Variants in EPHA6 observed in about 807,000 individuals in gnomAD.
The protein encoded by EPHA6 is ephrin type-A receptor 6.
EPHA6 carries 50 observed loss-of-function variants against 112.0 expected under a neutral mutation model. The observed-to-expected ratio is 0.45, with a 90% CI of 0.36 to 0.56. EPHA6 has a LOEUF of 0.56. Among genes scored for constraint, EPHA6 ranks in the 20% least tolerant of loss-of-function variants. The pLI is 0.00. For missense variants in EPHA6, 1,280 were observed against 1,417.4 expected (o/e 0.90, Z 1.56); for synonymous variants, 529 against 490.7 (o/e 1.08, Z -1.03).
chr3:97,714,585 G>A (rs1309069346), intron 14 of EPHA6, among the ~76,000 whole-genome samples: 4 of 152,194 alleles, frequency 2.6e-5, no homozygotes, highest in Non-Finnish European at 5.9e-5. Context: ...GTTGATTTGG[G>A]AATACAAACT....
chr3:97,505,783 G>A (rs1323481936), intron 10 of EPHA6, among the ~76,000 whole-genome samples: 1 of 152,110 alleles, frequency 6.6e-6, no homozygotes, highest in African/African-American at 2.4e-5. Context: ...CACAATGGTT[G>A]AACTAATTTA....
At chr3:97,034,450 A>G (rs1410814346) in intron 3 of EPHA6, among the ~76,000 whole-genome samples, 2 of 151,840 alleles carry the variant, frequency 1.3e-5, no homozygotes, top group Non-Finnish European at 2.9e-5. Context: ...TAATTCTTTT[A>G]CTGTCCATGA....
chr3:97,098,533 A>G (rs1166906106), intron 3 of EPHA6, among the ~76,000 whole-genome samples: 1 of 151,882 alleles, frequency 6.6e-6, no homozygotes, highest in Non-Finnish European at 1.5e-5. Flanking sequence ...ATTTGAGTAC[A>G]TTTTAAATGT....
chr3:97,464,151 C>T (rs1375959509), intron 7 of EPHA6, among the ~76,000 whole-genome samples: 2 of 152,042 alleles, frequency 1.3e-5, no homozygotes, highest in African/African-American at 2.4e-5. Flanking sequence ...ATGAAAATTG[C>T]CAAACTGATT....
At chr3:97,265,423 T>C (rs1403426370) in intron 5 of EPHA6, among the ~76,000 whole-genome samples, 2 of 151,872 alleles carry the variant, frequency 1.3e-5, no homozygotes, top group African/African-American at 4.8e-5. Context: ...TCCAGAGGGG[T>C]CCGAGGTGGC....
chr3:96,977,325 T>A (rs2042571658), intron 2 of EPHA6, among the ~76,000 whole-genome samples: 1 of 152,108 alleles, frequency 6.6e-6, no homozygotes, highest in Non-Finnish European at 1.5e-5. Flanking sequence ...TGTGCACACA[T>A]AGATGTACAC....
At chr3:97,016,457 A>G (rs188953041) in intron 3 of EPHA6, among the ~76,000 whole-genome samples, 3 of 152,294 alleles carry the variant, frequency 2.0e-5, no homozygotes, top group Admixed American at 2.0e-4. Context: ...AAAAAGTTCT[A>G]ATAATAAATA....
At chr3:97,079,063 T>C (rs561650569) in intron 3 of EPHA6, among the ~76,000 whole-genome samples, 1 of 152,284 alleles carries the variant, frequency 6.6e-6, no homozygotes, top group East Asian at 1.9e-4. Flanking sequence ...CATGCATGTA[T>C]ATGTTCATTG....
At chr3:97,730,359 G>T (rs763643013) in intron 15 of EPHA6, among the ~76,000 whole-genome samples, 1 of 152,074 alleles carries the variant, frequency 6.6e-6, no homozygotes, top group Non-Finnish European at 1.5e-5. Context: ...TTTAGAATAA[G>T]CAGCCAGGTT....
At chr3:97,002,812 A>G (rs1456971936) in intron 3 of EPHA6, among the ~76,000 whole-genome samples, 1 of 152,142 alleles carries the variant, frequency 6.6e-6, no homozygotes, top group African/African-American at 2.4e-5. Flanking sequence ...AGGAATATTT[A>G]AAAAGAACAG....
chr3:97,483,649 G>T (rs576648576), intron 9 of EPHA6, among the ~76,000 whole-genome samples: 1 of 152,180 alleles, frequency 6.6e-6, no homozygotes, highest in Non-Finnish European at 1.5e-5. Context: ...CATAGTGAAT[G>T]AGTGAGCTGA....
chr3:97,336,073 A>G (rs916611354), intron 5 of EPHA6, among the ~76,000 whole-genome samples: 1 of 152,134 alleles, frequency 6.6e-6, no homozygotes, highest in African/African-American at 2.4e-5. Context: ...TCCAGGAACA[A>G]CTTGGAGAGG....
intron 14 of EPHA6, among the ~76,000 whole-genome samples, chr3:97,695,921 T>G (rs569274637): frequency 6.6e-6 from 1 of 152,324 alleles, no homozygotes; most frequent in South Asian, 2.1e-4. Context: ...TGTTGTTGAG[T>G]GACAGCTAAT....
chr3:97,338,247 G>A (rs2083149165), intron 5 of EPHA6, among the ~76,000 whole-genome samples: 3 of 151,944 alleles, frequency 2.0e-5, no homozygotes, highest in Non-Finnish European at 2.9e-5. Flanking sequence ...CCAAACCTGG[G>A]TCATAGTCAC....
rs1223536566 is a variant in EPHA6 at position 97,099,118 on chromosome 3, G to T, written c.1114+111125G>T. 3.3e-5 allele frequency among the ~76,000 whole-genome samples: 5 copies of T among 151,878 alleles called. No individual in the cohort carries two copies. In the Admixed American group the frequency reaches 3.3e-4, roughly 10 times the overall value. On this transcript the variant is annotated intron_variant, in intron 3 of 17. Transcript: ENST00000389672. ...TGGCTTGTTGATATGTTAATGTGAA[G>T]TAATTATTCCAGTGAATTGAAGCTG...
intron 11 of EPHA6, among the ~76,000 whole-genome samples, chr3:97,588,218 C>A (rs1372182295): frequency 6.6e-6 from 1 of 152,122 alleles, no homozygotes; most frequent in Non-Finnish European, 1.5e-5. Context: ...CCCCCCTGCC[C>A]AATTTTGGAA....
intron 1 of EPHA6, among the ~76,000 whole-genome samples, chr3:96,861,322 C>T (rs2035990702): frequency 6.6e-6 from 1 of 152,054 alleles, no homozygotes; most frequent in Admixed American, 6.6e-5. Context: ...CAAACTGCTT[C>T]ACTTGATTTA....
chr3:96,872,373 C>T (rs1033137763), intron 2 of EPHA6, among the ~76,000 whole-genome samples: 8 of 152,026 alleles, frequency 5.3e-5, no homozygotes, highest in Non-Finnish European at 8.8e-5. Context: ...AGGATAGAAG[C>T]CTCCTGTGTT....
At chr3:97,600,036 T>C (rs971189107) in intron 12 of EPHA6, among the ~76,000 whole-genome samples, 24 of 151,458 alleles carry the variant, frequency 1.6e-4, no homozygotes, top group Admixed American at 7.2e-4. Context: ...CAATTGTGAA[T>C]GGGAGTTCAC....
Sources: gnomAD v4.1 joint callset for allele counts (sites outside exome capture counted in the v4.1 genomes callset) on GRCh38, gnomAD v4.1.1 for gene constraint, MANE v1.5 for transcripts, NCBI Gene and HGNC (gene_info 2026-07-23, HGNC 2026-07-21) for gene names.